CAMKMT: variants seen among roughly 807,000 people sequenced by gnomAD.
The protein encoded by CAMKMT is calmodulin-lysine N-methyltransferase, also known as CaM KMT.
CAMKMT carries 53 observed loss-of-function variants against 48.0 expected under a neutral mutation model. The ratio of observed to expected loss-of-function variants is 1.10; its 90% CI spans 0.89 to 1.39. The LOEUF is 1.39. Ranked by LOEUF, CAMKMT falls within the 40% of genes most tolerant of loss-of-function variation. CAMKMT has a pLI of 0.00. For synonymous variants in CAMKMT, 165 were observed against 152.3 expected (o/e 1.08, Z -0.61); for missense variants, 428 against 402.7 (o/e 1.06, Z -0.54).
At chr2:44,703,356 C>T in intron 3 of CAMKMT, among the ~76,000 whole-genome samples, 1 of 152,070 alleles carries the variant, frequency 6.6e-6, no homozygotes, top group East Asian at 1.9e-4. Flanking sequence ...TTATGGATGA[C>T]AATTTTAGAA....
At chr2:44,738,738 G>T (rs918366618) in intron 7 of CAMKMT, among the ~76,000 whole-genome samples, 3 of 152,144 alleles carry the variant, frequency 2.0e-5, no homozygotes, top group African/African-American at 7.2e-5. Flanking sequence ...CACATTAAAG[G>T]GTAATAGCTG....
At chr2:44,419,507 G>A (rs531613255) in intron 3 of CAMKMT, among the ~76,000 whole-genome samples, 3 of 152,204 alleles carry the variant, frequency 2.0e-5, no homozygotes, top group Non-Finnish European at 4.4e-5. Flanking sequence ...GCTTCTAGAA[G>A]CTTGTAATGG....
intron 3 of CAMKMT, among the ~76,000 whole-genome samples, chr2:44,536,461 A>G (rs1367347329): frequency 6.6e-6 from 1 of 151,230 alleles, no homozygotes; most frequent in Non-Finnish European, 1.5e-5. Context: ...AGTAGCTGGG[A>G]TTATAGGTGC....
At chr2:44,604,811 A>T (rs141775981) in intron 3 of CAMKMT, among the ~76,000 whole-genome samples, 1 of 152,206 alleles carries the variant, frequency 6.6e-6, no homozygotes, top group African/African-American at 2.4e-5. Flanking sequence ...CCTCCAGGAA[A>T]TTTTATGACA....
At chr2:44,458,138 C>T (rs1405487736) in intron 3 of CAMKMT, among the ~76,000 whole-genome samples, 1 of 151,184 alleles carries the variant, frequency 6.6e-6, no homozygotes, top group African/African-American at 2.4e-5. Context: ...CCTCTGCCTC[C>T]CCGGTTCAAA....
intron 3 of CAMKMT, among the ~76,000 whole-genome samples, chr2:44,681,275 A>G (rs1192285443): frequency 2.0e-5 from 3 of 152,170 alleles, no homozygotes; most frequent in Non-Finnish European, 2.9e-5. Context: ...TGTTTGCATA[A>G]CAGTCACCAA....
At chr2:44,422,930 C>G (rs1335816543) in intron 3 of CAMKMT, among the ~76,000 whole-genome samples, 1 of 152,084 alleles carries the variant, frequency 6.6e-6, no homozygotes, top group Non-Finnish European at 1.5e-5. Flanking sequence ...AGGTGAGCTC[C>G]TTGTTCAGAA....
chr2:44,727,797 G>T (rs1016464051), intron 7 of CAMKMT, among the ~76,000 whole-genome samples: 4 of 152,148 alleles, frequency 2.6e-5, no homozygotes, highest in African/African-American at 9.7e-5. Context: ...TGCTTAGTCT[G>T]TTGAGGTTTT....
intron 3 of CAMKMT, among the ~76,000 whole-genome samples, chr2:44,539,456 T>A (rs12475963): frequency 0.45 from 68,005 of 152,020 alleles, 17,401 homozygotes; most frequent in Non-Finnish European, 0.58. Context: ...GAATTTCCTC[T>A]TATGTAACCA....
intron 3 of CAMKMT, among the ~76,000 whole-genome samples, chr2:44,578,240 T>C (rs1185555111): frequency 6.6e-6 from 1 of 152,196 alleles, no homozygotes; most frequent in Non-Finnish European, 1.5e-5. Flanking sequence ...TAACATAAAG[T>C]ACTTTAACAT....
intron 3 of CAMKMT, among the ~76,000 whole-genome samples, chr2:44,703,548 GGCA>G (rs1172220714): frequency 1.3e-5 from 2 of 152,106 alleles, no homozygotes; most frequent in Non-Finnish European, 2.9e-5. Context: ...GGGAGGCCGA[GGCA>G]GGCAGATCAC....
intron 3 of CAMKMT, among the ~76,000 whole-genome samples, chr2:44,437,810 G>A (rs537780072): frequency 2.1e-5 from 3 of 143,102 alleles, no homozygotes; most frequent in Non-Finnish European, 4.5e-5. Flanking sequence ...CTGTACTTTG[G>A]CTCAGGCAAC....
chr2:44,757,485 T>G (rs1178177044), intron 9 of CAMKMT, among the ~76,000 whole-genome samples: 1 of 152,144 alleles, frequency 6.6e-6, no homozygotes, highest in African/African-American at 2.4e-5. Flanking sequence ...AAAAAGCTGA[T>G]GCACTGTAAT....
At chr2:44,447,504 C>T (rs953259471) in intron 3 of CAMKMT, among the ~76,000 whole-genome samples, 4 of 152,204 alleles carry the variant, frequency 2.6e-5, no homozygotes, top group African/African-American at 7.2e-5. Context: ...CCCATCCCCC[C>T]CAACCTCAGT....
At chr2:44,771,169 T>G (rs1322581803) in intron 10 of CAMKMT, among the ~76,000 whole-genome samples, 2 of 152,166 alleles carry the variant, frequency 1.3e-5, no homozygotes, top group African/African-American at 4.8e-5. Context: ...TGGGTGGTGT[T>G]TGACTAATTT....
At chr2:44,524,244 C>T (rs1671284223) in intron 3 of CAMKMT, among the ~76,000 whole-genome samples, 1 of 152,014 alleles carries the variant, frequency 6.6e-6, no homozygotes, top group Non-Finnish European at 1.5e-5. Context: ...ATTGGGGGCT[C>T]ATGTTTTAAA....
At position 44,467,769 on chromosome 2, in the gene CAMKMT, C is replaced by T. The variant is rs112790422; in HGVS notation, c.376+77464C>T. 2.1e-4 allele frequency among the ~76,000 whole-genome samples: 32 copies of T among 152,220 alleles called. No homozygotes were observed. In the Middle Eastern group the frequency reaches 0.01, roughly 49 times the overall value. Reference sequence around the variant, plus strand: ...ATGTTGAGGGGAAGGACAGTCTCTTCAGTAAATAGTGGTGGGAAAACTGGA... The same window carrying T: ...ATGTTGAGGGGAAGGACAGTCTCTTTAGTAAATAGTGGTGGGAAAACTGGA... On this transcript the variant is annotated intron_variant, in intron 3 of 10. Transcript: ENST00000378494.
chr2:44,757,869 G>T (rs1294258057), intron 9 of CAMKMT, among the ~76,000 whole-genome samples: 2 of 152,214 alleles, frequency 1.3e-5, no homozygotes, highest in Non-Finnish European at 2.9e-5. Context: ...ACCACGCTCG[G>T]CCTTATGGGG....
At chr2:44,438,231 T>C (rs1279761868) in intron 3 of CAMKMT, among the ~76,000 whole-genome samples, 1 of 152,214 alleles carries the variant, frequency 6.6e-6, no homozygotes, top group African/African-American at 2.4e-5. Flanking sequence ...CTCTAAACTC[T>C]TTCTCAACTA....
Sources: allele counts gnomAD v4.1 joint callset (sites outside exome capture counted in the v4.1 genomes callset), GRCh38; gene constraint gnomAD v4.1.1; transcripts MANE v1.5; gene names NCBI Gene and HGNC (gene_info 2026-07-23, HGNC 2026-07-21).